Variants in NR5A2 observed in about 807,000 individuals in gnomAD.
The protein encoded by NR5A2 is nuclear receptor subfamily 5 group A member 2.
NR5A2 carries 26 observed loss-of-function variants against 62.7 expected under a neutral mutation model. That is an observed-to-expected ratio of 0.41 (90% CI 0.30 to 0.58). The LOEUF (loss-of-function observed/expected upper bound fraction) is 0.58, where lower values mean the gene tolerates loss of function less well. NR5A2 is among the 20% of genes least tolerant of loss of function. The probability of loss-of-function intolerance (pLI) is 0.22; values close to 1 mark genes in which losing one functional copy is unlikely to be tolerated. For missense variants in NR5A2, 541 were observed against 669.1 expected (o/e 0.81, Z 2.11); for synonymous variants, 246 against 241.7 (o/e 1.02, Z -0.16).
chr1:200,106,842 C>G (rs1466974854), intron 5 of NR5A2, among the ~76,000 whole-genome samples: 2 of 152,128 alleles, frequency 1.3e-5, no homozygotes, highest in African/African-American at 4.8e-5. Flanking sequence ...TCACATTTAC[C>G]CTATTTTTTT....
intron 5 of NR5A2, among the ~76,000 whole-genome samples, chr1:200,059,575 G>A (rs1432576015): frequency 6.6e-6 from 1 of 152,092 alleles, no homozygotes; most frequent in East Asian, 1.9e-4. Context: ...CTAAGCCTGA[G>A]CCCCCTGTTC....
intron 7 of NR5A2, among the ~76,000 whole-genome samples, chr1:200,142,210 T>C (rs1294966345): frequency 8.5e-5 from 12 of 141,960 alleles, no homozygotes; most frequent in Non-Finnish European, 1.5e-4. Context: ...TTTTTTTTTT[T>C]TTTTTTTAAG....
At chr1:200,163,162 A>G (rs767917357) in intron 7 of NR5A2, among the ~76,000 whole-genome samples, 10 of 151,848 alleles carry the variant, frequency 6.6e-5, no homozygotes, top group Non-Finnish European at 1.2e-4. Context: ...ACAATCTATA[A>G]TGGAGTTTGT....
intron 5 of NR5A2, among the ~76,000 whole-genome samples, chr1:200,107,915 G>T (rs10919810): frequency 0.48 from 73,453 of 151,736 alleles, 18,424 homozygotes; most frequent in African/African-American, 0.61. Flanking sequence ...ACAGGCATAA[G>T]ACATGGCACC....
intron 1 of NR5A2, among the ~76,000 whole-genome samples, chr1:200,036,803 C>G (rs1012305256): frequency 2.6e-5 from 4 of 152,150 alleles, no homozygotes; most frequent in African/African-American, 9.7e-5. Flanking sequence ...TTCTCTCGCT[C>G]GAGACTTTCT....
At chr1:200,059,561 C>T (rs1295480426) in intron 5 of NR5A2, among the ~76,000 whole-genome samples, 2 of 152,074 alleles carry the variant, frequency 1.3e-5, no homozygotes, top group African/African-American at 4.8e-5. Context: ...GGAGGTAGAG[C>T]CCACTAAGCC....
intron 7 of NR5A2, among the ~76,000 whole-genome samples, chr1:200,145,466 ATT>A (rs3222114): frequency 9.2e-6 from 1 of 109,052 alleles, no homozygotes; most frequent in Non-Finnish European, 1.9e-5. Flanking sequence ...CATTGATAGA[ATT>A]TGTGTGTGTG....
In NR5A2 at chr1:200,084,163, G is replaced by T. The variant is rs185815571; in HGVS notation, c.1111-27039G>T. 9.2e-5 allele frequency among the ~76,000 whole-genome samples: 14 copies of T among 152,000 alleles called. No homozygotes were observed. In the East Asian group the frequency reaches 1.7e-3, roughly 19 times the overall value. ...ATAGACAAAAATCCCTGCTTTTGAG[G>T]ATCATATTTATATCTATTTTAGTGA... On this transcript the variant is annotated intron_variant, in intron 5 of 7. Coordinates refer to ENST00000367362, the MANE Select transcript of NR5A2 (RefSeq NM_205860.3).
At chr1:200,161,510 G>A (rs1446182568) in intron 7 of NR5A2, among the ~76,000 whole-genome samples, 1 of 152,110 alleles carries the variant, frequency 6.6e-6, no homozygotes, top group African/African-American at 2.4e-5. Flanking sequence ...TTCTATGCCC[G>A]TGATGTGGTC....
chr1:200,172,476 A>G (rs2102398500), intron 7 of NR5A2, among the ~76,000 whole-genome samples: 1 of 152,346 alleles, frequency 6.6e-6, no homozygotes, highest in African/African-American at 2.4e-5. Context: ...TCATCAATGA[A>G]TAATCAACTA....
intron 5 of NR5A2, among the ~76,000 whole-genome samples, chr1:200,097,217 TTC>T: frequency 6.6e-6 from 1 of 152,326 alleles, no homozygotes; most frequent in Non-Finnish European, 1.5e-5. Flanking sequence ...TGGGTATTAT[TTC>T]TTTTTTTAAA....
At chr1:200,090,162 C>T (rs1485896123) in intron 5 of NR5A2, among the ~76,000 whole-genome samples, 1 of 152,220 alleles carries the variant, frequency 6.6e-6, no homozygotes, top group Non-Finnish European at 1.5e-5. Context: ...TGTTTCCTCT[C>T]ACAAACTCTA....
At chr1:200,105,995 G>C (rs981166755) in intron 5 of NR5A2, among the ~76,000 whole-genome samples, 1 of 98,350 alleles carries the variant, frequency 1.0e-5, no homozygotes, top group African/African-American at 4.0e-5. Flanking sequence ...AAAAGGTTTT[G>C]ATAGGCTAAA....
rs540497028 is a variant in NR5A2 at position 200,163,275 on chromosome 1, A to T, written c.1379-10688A>T. On this transcript the variant is annotated intron_variant, in intron 7 of 7. Transcript: ENST00000367362. ...GCAGCATGTCAAAGGCAAAAAAAAA[A>T]AAAAAGAAGAAGAAAGAAAAGAAAA... Among the ~76,000 whole-genome samples, 7 of 151,316 alleles carry T rather than the reference A, an allele frequency of 4.6e-5. No homozygotes were observed. The East Asian group carries it at 1.4e-3, about 29-fold the overall frequency.
rs530044898 is a variant in NR5A2, at chr1:200,174,937, G to A, written c.*727G>A. The A allele has an allele frequency of 6.5e-6, 1 of 152,740 alleles. No homozygotes were observed. Among genetic ancestry groups the A allele is most frequent in the East Asian group, 1.9e-4 (1 of 5,188 alleles). 9.5% of individuals were successfully genotyped at this position (152,740 alleles called of 1,614,324 possible). On this transcript the variant is annotated 3_prime_UTR_variant, in exon 8 of 8. Coordinates refer to ENST00000367362, the MANE Select transcript of NR5A2 (RefSeq NM_205860.3). ...TCATGATGTTAAGAAAATGCAGGCA[G>A]TATCCCTCATCTTATGTAAGTGTTA...
rs765360957 is a variant in NR5A2, at chr1:200,111,252, C to G, written c.1161C>G (p.Ile387Met). Residue 387 changes from isoleucine (I) to methionine (M), a missense_variant, in exon 6 of 8, where the codon ATC becomes ATG. Ile to Met is a conservative substitution (Grantham distance 10). Coordinates refer to ENST00000367362, the MANE Select transcript of NR5A2 (RefSeq NM_205860.3). ...AGAACTGCTGGAGTGAGCTCTTAAT[C>G]CTCGACCACATTTACCGACAAGTGG... The part of the protein sequence containing the change: ...LLQNCWSELL[I>M]LDHIYRQVVH... 1 of 1,613,156 alleles carries G rather than the reference C, an allele frequency of 6.2e-7. No individual in the cohort carries two copies. Among genetic ancestry groups the G allele is most frequent in the African/African-American group, 1.3e-5 (1 of 74,624 alleles).
chr1:200,048,840 C>T lies in NR5A2; in HGVS notation c.1110+22C>T. On this transcript the variant is annotated intron_variant, in intron 5 of 7. Coordinates refer to ENST00000367362, the MANE Select transcript of NR5A2 (RefSeq NM_205860.3). This position sits in a 1 kb window ranked among gnomAD's most constrained non-coding sequence, Gnocchi z 4.8. ...TAAGGTATGCCACCAGCTATTACAA[C>T]TTACAGCACCCCTTTTAAGAGAGAC... The T allele has an allele frequency of 1.2e-6, 2 of 1,610,212 alleles. No homozygotes were observed. Among genetic ancestry groups the T allele is most frequent in the South Asian group, 1.1e-5 (1 of 90,960 alleles).
At chr1:200,110,856 G>A (rs1665908643) in intron 5 of NR5A2, among the ~76,000 whole-genome samples, 1 of 152,022 alleles carries the variant, frequency 6.6e-6, no homozygotes, top group Non-Finnish European at 1.5e-5. Context: ...CATTCTAATG[G>A]AGCCTACTCA....
intron 2 of NR5A2, among the ~76,000 whole-genome samples, chr1:200,041,680 T>A (rs1353384007): frequency 6.6e-6 from 1 of 152,020 alleles, no homozygotes; most frequent in African/African-American, 2.4e-5. Flanking sequence ...CCCCGATGAG[T>A]TCGCCTCCCC....
Sources: gnomAD v4.1 joint callset for allele counts (sites outside exome capture counted in the v4.1 genomes callset) on GRCh38, gnomAD v4.1.1 for gene constraint, Gnocchi (gnomAD v3.1) non-coding constraint, MANE v1.5 for transcripts, NCBI Gene and HGNC (gene_info 2026-07-23, HGNC 2026-07-21) for gene names.